GALNT10: variants seen among roughly 807,000 people sequenced by gnomAD.
GALNT10 encodes polypeptide N-acetylgalactosaminyltransferase 10.
Under a neutral mutation model 75.0 loss-of-function variants are expected in GALNT10, and 41 were observed. The observed-to-expected ratio is 0.55, with a 90% CI of 0.43 to 0.71. The LOEUF (loss-of-function observed/expected upper bound fraction) is 0.71, where lower values mean the gene tolerates loss of function less well. Among genes scored for constraint, GALNT10 ranks in the 30% least tolerant of loss-of-function variants. The pLI is 0.00. For missense variants in GALNT10, 727 were observed against 818.5 expected (o/e 0.89, Z 1.36); for synonymous variants, 302 against 313.0 (o/e 0.96, Z 0.37).
chr5:154,415,970 AT>A (rs368012241), intron 11 of GALNT10, 38 bp downstream of exon 11: 410 of 1,573,128 alleles, frequency 2.6e-4, no homozygotes, highest in Admixed American at 3.9e-4. Context: ...CACCTGCTTA[AT>A]TTTTTTTTAA....
chr5:154,312,073 G>GATAA (rs75161724), intron 3 of GALNT10, among the ~76,000 whole-genome samples: 24,428 of 152,130 alleles, frequency 0.16, 2,053 homozygotes, highest in Non-Finnish European at 0.19. Context: ...TCCAGGAGCA[G>GATAA]ATAAATAGCA....
chr5:154,312,334 A>T (rs531852660), intron 3 of GALNT10, among the ~76,000 whole-genome samples: 71 of 152,312 alleles, frequency 4.7e-4, no homozygotes, highest in African/African-American at 1.7e-3. Context: ...TCAGGGGAAG[A>T]AATCAATAGT....
chr5:154,410,293 T>C (rs927250891), intron 9 of GALNT10, among the ~76,000 whole-genome samples: 11 of 149,852 alleles, frequency 7.3e-5, no homozygotes, highest in Non-Finnish European at 1.3e-4. Context: ...CCTAGCACTT[T>C]GGGAGGCCAA....
At chr5:154,303,164 G>A (rs1324156622) in intron 3 of GALNT10, among the ~76,000 whole-genome samples, 1 of 152,096 alleles carries the variant, frequency 6.6e-6, no homozygotes, top group Non-Finnish European at 1.5e-5. Context: ...TTAAGACACT[G>A]GACATCAGGC....
At chr5:154,200,956 T>C (rs1775019473) in intron 1 of GALNT10, among the ~76,000 whole-genome samples, 1 of 152,006 alleles carries the variant, frequency 6.6e-6, no homozygotes, top group African/African-American at 2.4e-5. Flanking sequence ...TTAAAACAAT[T>C]CTATACTAAT....
chr5:154,307,537 G>A (rs944177313), intron 3 of GALNT10, among the ~76,000 whole-genome samples: 21 of 151,278 alleles, frequency 1.4e-4, no homozygotes, highest in Admixed American at 7.9e-4. Context: ...GGAGAATGGC[G>A]TGAACCCAGG....
At chr5:154,240,697 T>C (rs1753322908) in intron 1 of GALNT10, among the ~76,000 whole-genome samples, 1 of 152,220 alleles carries the variant, frequency 6.6e-6, no homozygotes, top group Non-Finnish European at 1.5e-5. Flanking sequence ...TAGCTGAAAG[T>C]ATTTTATTGA....
chr5:154,318,511 C>T (rs1280370108), intron 3 of GALNT10, among the ~76,000 whole-genome samples: 2 of 152,060 alleles, frequency 1.3e-5, no homozygotes, highest in Non-Finnish European at 2.9e-5. Context: ...AGCTATTTGA[C>T]CATAGGCAAG....
intron 4 of GALNT10, among the ~76,000 whole-genome samples, chr5:154,367,382 C>T (rs1021620480): frequency 6.6e-6 from 1 of 152,102 alleles, no homozygotes; most frequent in East Asian, 1.9e-4. Context: ...ATTTGTCAGA[C>T]CTTTTCTCAC....
intron 6 of GALNT10, among the ~76,000 whole-genome samples, chr5:154,383,720 C>T (rs889763904): frequency 1.3e-5 from 2 of 152,196 alleles, no homozygotes; most frequent in Non-Finnish European, 2.9e-5. Context: ...CACTGTCAGC[C>T]TTTCCAAGCG....
chr5:154,231,935 G>T (rs747232738), intron 1 of GALNT10, among the ~76,000 whole-genome samples: 2 of 152,200 alleles, frequency 1.3e-5, no homozygotes, highest in African/African-American at 4.8e-5. Flanking sequence ...TTGTGGATTA[G>T]CCTCAGCCCA....
At position 154,357,931 on chromosome 5, in the gene GALNT10, G is replaced by A. The variant is rs190075410; in HGVS notation, c.569-18346G>A. Among the ~76,000 whole-genome samples the A allele has an allele frequency of 1.9e-3, 285 of 152,324 alleles. 1 individual carries two copies. The highest frequency in any genetic ancestry group is 6.4e-3 in the African/African-American group (268 of 41,574). On this transcript the variant is annotated intron_variant, in intron 4 of 11. Transcript: ENST00000297107. The stretch of plus-strand genomic sequence containing the variant: ...GGAAGGGTTTAGGGATGACAACTGC[G>A]TGGAAGAGAGGGCTTTGCAGAGTAC...
At chr5:154,241,628 T>G (rs1216000665) in intron 1 of GALNT10, among the ~76,000 whole-genome samples, 1 of 152,238 alleles carries the variant, frequency 6.6e-6, no homozygotes, top group Non-Finnish European at 1.5e-5. Context: ...TTTTTTCACT[T>G]AATATATTGT....
chr5:154,321,272 A>T (rs564762109), intron 3 of GALNT10, among the ~76,000 whole-genome samples: 1 of 151,846 alleles, frequency 6.6e-6, no homozygotes, highest in Non-Finnish European at 1.5e-5. Context: ...TTGTTGTTAC[A>T]TGCATTGCCC....
chr5:154,415,104 C>T (rs1216699114), intron 10 of GALNT10, among the ~76,000 whole-genome samples: 1 of 152,126 alleles, frequency 6.6e-6, no homozygotes, highest in East Asian at 1.9e-4. Context: ...GCATGGACAA[C>T]AAGAGTGAAG....
At chr5:154,307,006 A>G (rs1282699964) in intron 3 of GALNT10, among the ~76,000 whole-genome samples, 1 of 152,166 alleles carries the variant, frequency 6.6e-6, no homozygotes, top group Non-Finnish European at 1.5e-5. Context: ...CTAACCAGCT[A>G]GAAAAAGAGA....
intron 1 of GALNT10, among the ~76,000 whole-genome samples, chr5:154,238,696 G>C (rs12522623): frequency 0.36 from 55,121 of 152,042 alleles, 12,149 homozygotes; most frequent in East Asian, 0.85. Flanking sequence ...TTAGCACTGG[G>C]AAAGCGAAAT....
intron 1 of GALNT10, among the ~76,000 whole-genome samples, chr5:154,240,946 G>C (rs999046364): frequency 2.6e-5 from 4 of 152,140 alleles, no homozygotes; most frequent in Non-Finnish European, 5.9e-5. Context: ...AAATTGTGGA[G>C]ATCAAATAAG....
At position 154,416,724 on chromosome 5, in the gene GALNT10, CCT is replaced by C; in HGVS notation, c.1654-88_1654-87del. 1.1e-6 allele frequency: 1 copy of C among 936,504 alleles called. No homozygotes were observed. Among genetic ancestry groups the C allele is most frequent in the South Asian group, 1.4e-5 (1 of 69,666 alleles). The allele number at this position is 936,504 out of a possible 1,614,324, so 58.0% of individuals were successfully genotyped here. A position where few individuals can be genotyped will look rare whatever the true frequency, so the allele number is the denominator to read the frequency against. On this transcript the variant is annotated intron_variant, in intron 11 of 11. Coordinates refer to ENST00000297107, the MANE Select transcript of GALNT10 (RefSeq NM_198321.4). This position sits in a 1 kb window ranked among gnomAD's most constrained non-coding sequence, Gnocchi z 4.5. The stretch of plus-strand genomic sequence containing the variant: ...TGAACAGCTAGTCAGTCAGTCACTT[CCT>C]CACTTTCTCATTGCTGGTATTGTTG...
Sources: gnomAD v4.1 joint callset for allele counts (sites outside exome capture counted in the v4.1 genomes callset) on GRCh38, gnomAD v4.1.1 for gene constraint, Gnocchi (gnomAD v3.1) non-coding constraint, MANE v1.5 for transcripts, NCBI Gene and HGNC (gene_info 2026-07-23, HGNC 2026-07-21) for gene names.